The following MARK3 variants were observed in gnomAD, a reference collection of about 807,000 sequenced individuals.
MARK3 encodes the protein MAP/microtubule affinity-regulating kinase 3.
A neutral mutation model predicts 90.1 loss-of-function variants in MARK3; 46 were observed. That is an observed-to-expected ratio of 0.51 (90% CI 0.40 to 0.65). The LOEUF (loss-of-function observed/expected upper bound fraction) is 0.65. MARK3 is among the 30% of genes least tolerant of loss of function. The probability of loss-of-function intolerance (pLI) is 0.00; values close to 1 mark genes in which losing one functional copy is unlikely to be tolerated. For synonymous variants in MARK3, 321 were observed against 332.6 expected (o/e 0.97, Z 0.38); for missense variants, 818 against 947.2 (o/e 0.86, Z 1.79).
chr14:103,487,329 T>A (rs55859054), intron 14 of MARK3, among the ~76,000 whole-genome samples: 52,002 of 149,620 alleles, frequency 0.35, 9,281 homozygotes, highest in Middle Eastern at 0.46. Flanking sequence ...CTCTACAAAA[T>A]TTTTTTTTTT....
chr14:103,435,599 G>C (rs2092696504), intron 3 of MARK3, among the ~76,000 whole-genome samples: 1 of 151,716 alleles, frequency 6.6e-6, no homozygotes, highest in African/African-American at 2.4e-5. Flanking sequence ...TAGTAGAGAT[G>C]GGGTTTCACC....
intron 2 of MARK3, chr14:103,412,788 A>G (rs1195017294): frequency 2.2e-6 from 1 of 449,538 alleles, no homozygotes; most frequent in Middle Eastern, 4.8e-4. Flanking sequence ...CTAACCAGAA[A>G]AGAGGGTTTA....
chr14:103,466,527 A>G, intron 10 of MARK3, 85 bp downstream of exon 10: 2 of 845,650 alleles, frequency 2.4e-6, no homozygotes, highest in Non-Finnish European at 3.8e-6. Flanking sequence ...CTAAAATGTG[A>G]ATAATGGAAA....
At chr14:103,451,562 G>T (rs772632618) in intron 4 of MARK3, among the ~76,000 whole-genome samples, 37 of 152,216 alleles carry the variant, frequency 2.4e-4, no homozygotes, top group Non-Finnish European at 5.3e-4. Flanking sequence ...AGCAGTTGCT[G>T]CAGGCTGACC....
chr14:103,474,939 A>C, intron 12 of MARK3, 54 bp from the exon 13 acceptor site: 7 of 1,436,998 alleles, frequency 4.9e-6, no homozygotes, highest in Non-Finnish European at 4.8e-6. Flanking sequence ...TACTGTCACA[A>C]AATAAAACTT....
chr14:103,417,631 T>C (rs898903527), intron 2 of MARK3, among the ~76,000 whole-genome samples: 4 of 152,192 alleles, frequency 2.6e-5, no homozygotes, highest in Non-Finnish European at 5.9e-5. Flanking sequence ...AATTGTCTCT[T>C]TTTTAACTTA....
At chr14:103,441,268 T>G (rs1338846442) in intron 3 of MARK3, among the ~76,000 whole-genome samples, 4 of 151,990 alleles carry the variant, frequency 2.6e-5, no homozygotes, top group African/African-American at 9.7e-5. Context: ...TTTGCACTTT[T>G]TATGTCTTTT....
intron 2 of MARK3, among the ~76,000 whole-genome samples, chr14:103,413,307 T>A (rs956590905): frequency 2.0e-5 from 3 of 152,194 alleles, no homozygotes; most frequent in Admixed American, 6.5e-5. Flanking sequence ...TTGTTGCTAA[T>A]GTAAATGGAA....
chr14:103,488,953 C>T (rs2093975659), intron 14 of MARK3, among the ~76,000 whole-genome samples: 1 of 152,226 alleles, frequency 6.6e-6, no homozygotes, highest in African/African-American at 2.4e-5. Flanking sequence ...ATTGATTAAT[C>T]TGCTCTGTTA....
chr14:103,503,200 C>T lies in MARK3; in HGVS notation c.2235C>T (p.Ser745=), dbSNP rs755189137. The T allele has an allele frequency of 1.2e-5, 20 of 1,610,968 alleles. No individual in the cohort carries two copies. The East Asian group carries it at 4.2e-4, about 34-fold the overall frequency. Residue 745 remains serine (S), a synonymous_variant, in exon 18 of 18, where the codon TCC becomes TCT. Transcript: ENST00000429436. Reference sequence around the variant, plus strand: ...CCATAGCCTTCAAAAATATTGCTTCCAAAATTGCCAATGAGCTAAAGCTGT... The same window carrying T: ...CCATAGCCTTCAAAAATATTGCTTCTAAAATTGCCAATGAGCTAAAGCTGT... The part of the protein sequence containing the change: ...GTSIAFKNIA[S]KIANELKL
At chr14:103,405,775 T>G (rs1473774715) in intron 2 of MARK3, among the ~76,000 whole-genome samples, 18 of 147,158 alleles carry the variant, frequency 1.2e-4, no homozygotes, top group Non-Finnish European at 2.5e-4. Context: ...TATTTTTGTA[T>G]TTTTGTAGAG....
chr14:103,401,388 G>A (rs2090956715), intron 1 of MARK3, among the ~76,000 whole-genome samples: 1 of 152,090 alleles, frequency 6.6e-6, no homozygotes, highest in African/African-American at 2.4e-5. Flanking sequence ...CGTGTTTTAG[G>A]TTAGGCTGTG....
intron 6 of MARK3, chr14:103,458,933 TC>T (rs2093338567): frequency 4.5e-6 from 2 of 446,466 alleles, no homozygotes; most frequent in East Asian, 6.7e-5. Flanking sequence ...ACTTCTCTGA[TC>T]CTGTTTTTAA....
intron 1 of MARK3, among the ~76,000 whole-genome samples, chr14:103,387,566 C>T (rs2089910137): frequency 6.6e-6 from 1 of 152,062 alleles, no homozygotes; most frequent in African/African-American, 2.4e-5. Context: ...GATCTTGGCT[C>T]ACTGCAGCCT....
At chr14:103,475,687 C>T (rs149771382) in intron 13 of MARK3, among the ~76,000 whole-genome samples, 127 of 152,288 alleles carry the variant, frequency 8.3e-4, no homozygotes, top group African/African-American at 2.9e-3. Flanking sequence ...TGGCTCACGC[C>T]TGTAATCTCA....
intron 14 of MARK3, among the ~76,000 whole-genome samples, chr14:103,487,024 C>A (rs1381744307): frequency 1.3e-5 from 2 of 151,816 alleles, no homozygotes; most frequent in African/African-American, 4.8e-5. Flanking sequence ...TTAAACGATT[C>A]TTATACCTCA....
intron 17 of MARK3, among the ~76,000 whole-genome samples, chr14:103,501,624 C>G (rs184560837): frequency 7.2e-5 from 11 of 152,062 alleles, no homozygotes; most frequent in Non-Finnish European, 1.5e-4. Context: ...AGGCCCACCC[C>G]CACCCGTGCT....
At chr14:103,403,219 G>A (rs1595484525) in intron 1 of MARK3, among the ~76,000 whole-genome samples, 1 of 152,258 alleles carries the variant, frequency 6.6e-6, no homozygotes, top group South Asian at 2.1e-4. Context: ...TATAAATTCA[G>A]TGAATATGTT....
At chr14:103,491,402 G>A (rs937951752) in intron 14 of MARK3, 1 of 211,818 alleles carries the variant, frequency 4.7e-6, no homozygotes, top group African/African-American at 2.3e-5. Flanking sequence ...TTAGTTGCCT[G>A]TTCTTCAGTT....
Sources: gnomAD v4.1 joint callset for allele counts (sites outside exome capture counted in the v4.1 genomes callset) on GRCh38, gnomAD v4.1.1 for gene constraint, MANE v1.5 for transcripts, NCBI Gene and HGNC (gene_info 2026-07-23, HGNC 2026-07-21) for gene names.